The following TRPS1 variants were observed in gnomAD, a reference collection of about 807,000 sequenced individuals.
TRPS1 encodes zinc finger transcription factor Trps1.
Under a neutral mutation model 101.2 loss-of-function variants are expected in TRPS1, and 6 were observed. The observed-to-expected ratio is 0.06, with a 90% CI of 0.03 to 0.12. The LOEUF (loss-of-function observed/expected upper bound fraction) is 0.12. Among genes scored for constraint, TRPS1 ranks in the 10% least tolerant of loss-of-function variants. TRPS1 has a pLI of 1.00. For synonymous variants in TRPS1, 578 were observed against 589.8 expected (o/e 0.98, Z 0.29); for missense variants, 1,363 against 1,567.0 (o/e 0.87, Z 2.20).
At chr8:115,490,827 T>A (rs141471686) in intron 5 of TRPS1, among the ~76,000 whole-genome samples, 1,831 of 152,312 alleles carry the variant, frequency 0.012, 39 homozygotes, top group South Asian at 0.046. Flanking sequence ...TATTATTTTA[T>A]AAATTTGAAA....
chr8:115,578,262 TA>T (rs1817366375), intron 5 of TRPS1, among the ~76,000 whole-genome samples: 1 of 152,192 alleles, frequency 6.6e-6, no homozygotes, highest in Admixed American at 6.5e-5. Flanking sequence ...ATTTCTAGGA[TA>T]TTTTTCCCAC....
chr8:115,639,060 TTTTA>T (rs565026701), intron 1 of TRPS1, among the ~76,000 whole-genome samples: 3 of 152,092 alleles, frequency 2.0e-5, no homozygotes, highest in South Asian at 2.1e-4. Context: ...CACTATATGA[TTTTA>T]TTTATTTATT....
intron 5 of TRPS1, among the ~76,000 whole-genome samples, chr8:115,422,461 G>A (rs987945002): frequency 6.6e-6 from 1 of 152,028 alleles, no homozygotes; most frequent in Non-Finnish European, 1.5e-5. Context: ...CCGCCTCCCG[G>A]GTTCAAGTGA....
chr8:115,604,736 C>T lies in TRPS1; in HGVS notation c.1233G>A (p.Gln411=), dbSNP rs1817995555. 1 of 1,613,722 alleles carries T rather than the reference C, an allele frequency of 6.2e-7. No homozygotes were observed. Among genetic ancestry groups the T allele is most frequent in the African/African-American group, 1.3e-5 (1 of 74,870 alleles). The change falls in exon 4 of 7, where the codon CAG becomes CAA. Residue 411 remains glutamine (Q), a synonymous_variant. Coordinates refer to ENST00000395715, the MANE Select transcript of TRPS1 (RefSeq NM_014112.5). The surrounding 1 kb of genome is among the most constrained non-coding windows in gnomAD (Gnocchi z 4.1). ...CTCCTGCTTTGACTGTTATCTTGTC[C>T]TGCCATTTTCCCAAGTCTCCAGAAT... ...SSDSGDLGKW[Q]DKITVKAGDD... is the part of the protein sequence containing the mutation.
intron 2 of TRPS1, among the ~76,000 whole-genome samples, chr8:115,622,687 C>T (rs1284289537): frequency 6.6e-6 from 1 of 152,058 alleles, no homozygotes; most frequent in East Asian, 1.9e-4. Context: ...TAGAACTTAA[C>T]ACTGAATCAC....
rs72238288 is a variant in TRPS1, at chr8:115,606,807, C to CA, written c.967-1806dup. On this transcript the variant is annotated intron_variant, in intron 3 of 6. Coordinates refer to ENST00000395715, the MANE Select transcript of TRPS1 (RefSeq NM_014112.5). ...GGAGGTAAAGAGAAGGTTCATTTGC[C>CA]AAAAAAAAAAAAAAAAAAAAATACA... is the stretch of plus-strand genomic sequence containing the variant. Among the ~76,000 whole-genome samples, 531 of 123,342 alleles carry CA rather than the reference C, an allele frequency of 4.3e-3. 4 individuals carry two copies. The highest frequency in any genetic ancestry group is 9.4e-3 in the South Asian group (37 of 3,926). 80.9% of individuals were successfully genotyped at this position (123,342 alleles called of 152,430 possible). A position where few individuals can be genotyped will look rare whatever the true frequency, so the allele number is the denominator to read the frequency against.
At chr8:115,589,564 G>C (rs967770926) in intron 4 of TRPS1, among the ~76,000 whole-genome samples, 1 of 151,942 alleles carries the variant, frequency 6.6e-6, no homozygotes, top group African/African-American at 2.4e-5. Flanking sequence ...TGTTTAAGTA[G>C]TAAAGAAATA....
intron 1 of TRPS1, chr8:115,668,307 G>C: frequency 6.1e-6 from 1 of 163,166 alleles, no homozygotes; most frequent in Non-Finnish European, 1.3e-5. Flanking sequence ...AACCCGAGAA[G>C]CCTGCGCTTG....
intron 3 of TRPS1, among the ~76,000 whole-genome samples, chr8:115,611,798 G>A (rs770465646): frequency 2.0e-5 from 3 of 152,186 alleles, no homozygotes; most frequent in African/African-American, 4.8e-5. Flanking sequence ...GTACATAACG[G>A]TGCTTGCTAT....
Position 115,590,961 on chromosome 8 carries a change from CA to C in TRPS1, c.2097-3358del, listed in dbSNP as rs80151312. ...TTCCCCCATGTACCTTAACCATGAC[CA>C]AAAAAAAAAAACATTTTTAAAACCA... On this transcript the variant is annotated intron_variant, in intron 4 of 6. Transcript: ENST00000395715. Among the ~76,000 whole-genome samples, 96 of 133,162 alleles carry C rather than the reference CA, an allele frequency of 7.2e-4. 1 individual carries two copies. The highest frequency in any genetic ancestry group is 6.2e-4 in the Non-Finnish European group (38 of 61,024). 87.4% of individuals were successfully genotyped at this position (133,162 alleles called of 152,430 possible).
At chr8:115,535,687 C>T (rs1816301884) in intron 5 of TRPS1, among the ~76,000 whole-genome samples, 1 of 150,498 alleles carries the variant, frequency 6.6e-6, no homozygotes, top group South Asian at 2.1e-4. Flanking sequence ...CGGTGAAACC[C>T]CATCTCTACT....
At chr8:115,430,925 T>A (rs1418086531) in intron 5 of TRPS1, among the ~76,000 whole-genome samples, 1 of 152,026 alleles carries the variant, frequency 6.6e-6, no homozygotes, top group African/African-American at 2.4e-5. Flanking sequence ...TATGTTAATT[T>A]TATATTAAAA....
intron 1 of TRPS1, among the ~76,000 whole-genome samples, chr8:115,648,326 C>G (rs1207676653): frequency 6.6e-6 from 1 of 152,114 alleles, no homozygotes; most frequent in Non-Finnish European, 1.5e-5. Context: ...CGCGCAGCAG[C>G]CGAGGATGAG....
chr8:115,638,473 A>G (rs968682597), intron 1 of TRPS1, among the ~76,000 whole-genome samples: 3 of 152,200 alleles, frequency 2.0e-5, no homozygotes, highest in African/African-American at 7.2e-5. Flanking sequence ...AGAAGCCAAC[A>G]CTGCCTTTAA....
chr8:115,661,988 T>A (rs1811809060), intron 1 of TRPS1, among the ~76,000 whole-genome samples: 1 of 152,078 alleles, frequency 6.6e-6, no homozygotes, highest in Non-Finnish European at 1.5e-5. Context: ...TTGAAAACTT[T>A]GTAATAAATA....
At chr8:115,535,887 T>C (rs559001700) in intron 5 of TRPS1, among the ~76,000 whole-genome samples, 143 of 152,082 alleles carry the variant, frequency 9.4e-4, no homozygotes, top group African/African-American at 3.3e-3. Flanking sequence ...CAGAGCATTA[T>C]AATATGAATA....
chr8:115,614,074 C>G (rs1818226071), intron 3 of TRPS1, among the ~76,000 whole-genome samples: 2 of 152,116 alleles, frequency 1.3e-5, no homozygotes, highest in Non-Finnish European at 2.9e-5. Context: ...CTTTCTCTCT[C>G]CAAACTTTCC....
intron 5 of TRPS1, among the ~76,000 whole-genome samples, chr8:115,428,040 G>C (rs1350674610): frequency 6.6e-6 from 1 of 152,132 alleles, no homozygotes; most frequent in Non-Finnish European, 1.5e-5. Flanking sequence ...CAGAAGACTT[G>C]GCTAGAGTTG....
chr8:115,530,697 C>T (rs1431904334), intron 5 of TRPS1, among the ~76,000 whole-genome samples: 1 of 152,064 alleles, frequency 6.6e-6, no homozygotes, highest in African/African-American at 2.4e-5. Flanking sequence ...CCATCAATGA[C>T]AGACTGGATT....
Sources: allele counts gnomAD v4.1 joint callset (sites outside exome capture counted in the v4.1 genomes callset), GRCh38; gene constraint gnomAD v4.1.1; non-coding constraint Gnocchi (gnomAD v3.1); transcripts MANE v1.5; gene names NCBI Gene and HGNC (gene_info 2026-07-23, HGNC 2026-07-21).